SPTB: variants seen among roughly 807,000 people sequenced by gnomAD.
SPTB encodes spectrin beta chain, erythrocytic.
A neutral mutation model predicts 256.2 loss-of-function variants in SPTB; 45 were observed. The observed-to-expected ratio is 0.18, with a 90% CI of 0.14 to 0.23. The LOEUF is 0.23. Ranked by LOEUF, SPTB falls within the 10% of genes least tolerant of loss-of-function variation. The pLI is 1.00. For missense variants in SPTB, 2,715 were observed against 3,040.4 expected (o/e 0.89, Z 2.52); for synonymous variants, 1,231 against 1,243.1 (o/e 0.99, Z 0.21).
chr14:64,808,786 G>T (rs2083034189), intron 2 of SPTB, among the ~76,000 whole-genome samples: 1 of 152,044 alleles, frequency 6.6e-6, no homozygotes, highest in South Asian at 2.1e-4. Flanking sequence ...GCCATCACAG[G>T]GTAATACTGA....
intron 1 of SPTB, among the ~76,000 whole-genome samples, chr14:64,835,680 C>T (rs1431129173): frequency 6.6e-6 from 1 of 152,214 alleles, no homozygotes; most frequent in African/African-American, 2.4e-5. Context: ...TGTCGCTCTG[C>T]TGCTCAGGAG....
chr14:64,838,042 C>T (rs1208388655), intron 1 of SPTB, among the ~76,000 whole-genome samples: 6 of 152,136 alleles, frequency 3.9e-5, no homozygotes, highest in Non-Finnish European at 8.8e-5. Context: ...CTACAGTCAT[C>T]AAGATAGAAT....
intron 1 of SPTB, 95 bp downstream of exon 1, chr14:64,879,672 TCTGGGCCCTGCGCGTCAGGCGCCCC>T (rs1883017472): frequency 6.7e-6 from 1 of 149,086 alleles, no homozygotes; most frequent in Admixed American, 6.7e-5. Context: ...CACCCGGTCC[TCTGGGCCCTGCGCGTCAGGCGCCCC>T]CTGGGCCCAG....
At position 64,772,471 on chromosome 14, in the gene SPTB, A is replaced by C. The variant is rs1353728689; in HGVS notation, c.5553+109T>G. ...AGCTCCTGGCTGTCTAAGGAGGCAAAACCTCCTGGCACTTATCCTAGAGGT... is the reference window on the plus strand; with the variant it reads ...AGCTCCTGGCTGTCTAAGGAGGCAACACCTCCTGGCACTTATCCTAGAGGT... On this transcript the variant is annotated intron_variant, in intron 26 of 35. Transcript: ENST00000644917. The surrounding 1 kb of genome is among the most constrained non-coding windows in gnomAD (Gnocchi z 5.4). 1.4e-6 allele frequency: 2 copies of C among 1,472,480 alleles called. No homozygotes were observed. Among genetic ancestry groups the C allele is most frequent in the African/African-American group, 2.8e-5 (2 of 71,944 alleles). 91.2% of individuals were successfully genotyped at this position (1,472,480 alleles called of 1,614,324 possible).
chr14:64,748,989 A>C lies in SPTB; in HGVS notation c.*317T>G. 1 of 228,872 alleles carries C rather than the reference A, an allele frequency of 4.4e-6. No individual in the cohort carries two copies. The allele number at this position is 228,872 out of a possible 1,614,324, so 14.2% of individuals were successfully genotyped here. On this transcript the variant is annotated 3_prime_UTR_variant, in exon 36 of 36. Transcript: ENST00000644917. Reference sequence around the variant, plus strand: ...TAAGGGGCCTGTGCCCCCTCGGCTCAGGAGGAGGGTGGGAGAGGAGGGCGT... The same window carrying C: ...TAAGGGGCCTGTGCCCCCTCGGCTCCGGAGGAGGGTGGGAGAGGAGGGCGT...
intron 32 of SPTB, among the ~76,000 whole-genome samples, chr14:64,761,385 CAG>C (rs532433063): frequency 2.6e-4 from 39 of 152,264 alleles, no homozygotes; most frequent in Admixed American, 1.5e-3. Context: ...TGTTGCTGAA[CAG>C]GGGGAAAGAG....
In SPTB at chr14:64,749,203, A is replaced by C; in HGVS notation, c.*103T>G. The C allele has an allele frequency of 7.1e-7, 1 of 1,409,538 alleles. No homozygotes were observed. Among genetic ancestry groups the C allele is most frequent in the Non-Finnish European group, 9.6e-7 (1 of 1,038,548 alleles). The allele number at this position is 1,409,538 out of a possible 1,614,324, so 87.3% of individuals were successfully genotyped here. On this transcript the variant is annotated 3_prime_UTR_variant, in exon 36 of 36. Transcript: ENST00000644917. The surrounding 1 kb of genome is among the most constrained non-coding windows in gnomAD (Gnocchi z 4.7). ...GCCCGGGGGCCCGGCCCGCGACTCGACTCATCTCGATTCGACCGGCGGGCG... is the reference window on the plus strand; with the variant it reads ...GCCCGGGGGCCCGGCCCGCGACTCGCCTCATCTCGATTCGACCGGCGGGCG...
intron 1 of SPTB, among the ~76,000 whole-genome samples, chr14:64,854,579 G>C (rs2083841909): frequency 6.6e-6 from 1 of 151,976 alleles, no homozygotes; most frequent in Admixed American, 6.6e-5. Flanking sequence ...CGCCCGGCCA[G>C]TTTTCCGGAA....
Position 64,772,957 on chromosome 14 carries a change from A to T in SPTB, c.5179-3T>A. The T allele has an allele frequency of 6.3e-7, 1 of 1,598,878 alleles. No individual in the cohort carries two copies. Among genetic ancestry groups the T allele is most frequent in the Non-Finnish European group, 8.5e-7 (1 of 1,173,148 alleles). Reference sequence around the variant, plus strand: ...TCCCGGAACTTGTCCCGCAGAAGCTAGGCATGGGGCAGACAGAAATGTGGT... The same window carrying T: ...TCCCGGAACTTGTCCCGCAGAAGCTTGGCATGGGGCAGACAGAAATGTGGT... On this transcript the variant is annotated splice_region_variant and splice_polypyrimidine_tract_variant and intron_variant, in intron 25 of 35. Transcript: ENST00000644917. The surrounding 1 kb of genome is among the most constrained non-coding windows in gnomAD (Gnocchi z 5.4).
At position 64,847,847 on chromosome 14, in the gene SPTB, C is replaced by G. The variant is rs2083716526; in HGVS notation, c.-51-24702G>C. On this transcript the variant is annotated intron_variant, in intron 1 of 35. Transcript: ENST00000644917. This position sits in a 1 kb window ranked among gnomAD's most constrained non-coding sequence, Gnocchi z 5.9. ...TTATTTCCTCAATGCTCCATGTGCC[C>G]CCCACCGCAAACCCCATCCGGAGTG... Among the ~76,000 whole-genome samples the G allele has an allele frequency of 6.6e-6, 1 of 152,142 alleles. No individual in the cohort carries two copies. The highest frequency in any genetic ancestry group is 2.4e-5 in the African/African-American group (1 of 41,430).
chr14:64,804,941 G>A lies in SPTB; in HGVS notation c.298C>T (p.Leu100=). Residue 100 remains leucine (L), a splice_region_variant and synonymous_variant, in exon 3 of 36, where the codon CTG becomes TTG. Coordinates refer to ENST00000644917, the MANE Select transcript of SPTB (RefSeq NM_001355436.2). ...GGGGCCCACAGAAGGGACTTTACCA[G>A]CATCTCTCCAGAGAGCACCTCCAGC... ...KLLEVLSGEM[L]PKPTKGKMRI... is the part of the protein sequence containing the mutation. The A allele has an allele frequency of 6.2e-7, 1 of 1,614,134 alleles. No homozygotes were observed.
At chr14:64,861,268 T>C (rs1039699144) in intron 1 of SPTB, among the ~76,000 whole-genome samples, 1 of 152,098 alleles carries the variant, frequency 6.6e-6, no homozygotes. Context: ...ATGGCACATG[T>C]ATACCTATGT....
intron 1 of SPTB, among the ~76,000 whole-genome samples, chr14:64,856,366 G>A (rs1435033918): frequency 2.0e-5 from 3 of 152,114 alleles, no homozygotes; most frequent in African/African-American, 7.2e-5. Context: ...GGAGAGAGGA[G>A]CTCACTGCTA....
At chr14:64,868,534 G>A (rs1882331224) in intron 1 of SPTB, among the ~76,000 whole-genome samples, 1 of 152,180 alleles carries the variant, frequency 6.6e-6, no homozygotes, top group Non-Finnish European at 1.5e-5. Context: ...GGACTGAGGA[G>A]GAGGTCAGAC....
At chr14:64,856,238 G>T (rs1418990527) in intron 1 of SPTB, among the ~76,000 whole-genome samples, 2 of 152,246 alleles carry the variant, frequency 1.3e-5, no homozygotes, top group African/African-American at 4.8e-5. Context: ...TTACAAGGCA[G>T]CTCACTTCCT....
chr14:64,866,116 G>C lies in SPTB; in HGVS notation c.-52+13676C>G, dbSNP rs138049884. 2.6e-5 allele frequency among the ~76,000 whole-genome samples: 4 copies of C among 152,190 alleles called. No individual in the cohort carries two copies. The highest frequency in any genetic ancestry group is 6.5e-5 in the Admixed American group (1 of 15,288). On this transcript the variant is annotated intron_variant, in intron 1 of 35. Transcript: ENST00000644917. This position sits in a 1 kb window ranked among gnomAD's most constrained non-coding sequence, Gnocchi z 4.6. ...AAATGAATAAGACTGTTCACTCAAA[G>C]AGCATGCAGTGAGGCCACTAACTAG...
chr14:64,795,759 A>C lies in SPTB; in HGVS notation c.1342-120T>G, dbSNP rs773127844. The C allele has an allele frequency of 2.3e-5, 24 of 1,061,568 alleles. No individual in the cohort carries two copies. The highest frequency in any genetic ancestry group is 3.2e-5 in the Non-Finnish European group (23 of 708,642). 65.8% of individuals were successfully genotyped at this position (1,061,568 alleles called of 1,614,324 possible). A position where few individuals can be genotyped will look rare whatever the true frequency, so the allele number is the denominator to read the frequency against. On this transcript the variant is annotated intron_variant, in intron 11 of 35. Transcript: ENST00000644917. This position sits in a 1 kb window ranked among gnomAD's most constrained non-coding sequence, Gnocchi z 6.5. ...TAGATGGGAAAGCACATTCCCAAGA[A>C]GCAGCTAGTTCTGCCTTACTTTTGC...
chr14:64,812,899 TA>T (rs1319313130), intron 2 of SPTB, among the ~76,000 whole-genome samples: 1 of 152,144 alleles, frequency 6.6e-6, no homozygotes, highest in Non-Finnish European at 1.5e-5. Context: ...CCTTTTCTGT[TA>T]AAAAAATTTG....
chr14:64,784,347 G>T lies in SPTB; in HGVS notation c.3902C>A (p.Ser1301Tyr). 1 of 1,614,222 alleles carries T rather than the reference G, an allele frequency of 6.2e-7. No homozygotes were observed. The highest frequency in any genetic ancestry group is 8.5e-7 in the Non-Finnish European group (1 of 1,180,038). Residue 1301 changes from serine (S) to tyrosine (Y), a missense_variant, in exon 19 of 36, where the codon TCC (serine) becomes TAC (tyrosine). Transcript: ENST00000644917. ...GTGAAGGTTTCGTGCTTCATCATAGGAGACATCCTGAGATGTCAGCAGCTT... is the reference window on the plus strand; with the variant it reads ...GTGAAGGTTTCGTGCTTCATCATAGTAGACATCCTGAGATGTCAGCAGCTT... Reference protein sequence around the residue: ...NDKLLTSQDVSYDEARNLHNK... With the variant: ...NDKLLTSQDVYYDEARNLHNK...
Sources: gnomAD v4.1 joint callset for allele counts (sites outside exome capture counted in the v4.1 genomes callset) on GRCh38, gnomAD v4.1.1 for gene constraint, Gnocchi (gnomAD v3.1) non-coding constraint, MANE v1.5 for transcripts, NCBI Gene and HGNC (gene_info 2026-07-23, HGNC 2026-07-21) for gene names.